The following TNS1 variants were observed in gnomAD, a reference collection of about 807,000 sequenced individuals.
TNS1 encodes tensin-1.
In TNS1, 62 loss-of-function variants were observed where a neutral mutation model predicts 168.6. The observed-to-expected ratio is 0.37, with a 90% CI of 0.30 to 0.45. The LOEUF (loss-of-function observed/expected upper bound fraction) is 0.45. TNS1 is among the 20% of genes least tolerant of loss of function. The pLI is 1.00. For missense variants in TNS1, 2,240 were observed against 2,339.4 expected (o/e 0.96, Z 0.88); for synonymous variants, 934 against 933.2 (o/e 1.00, Z -0.02).
At chr2:217,980,054 G>A (rs1199982955) in intron 2 of TNS1, among the ~76,000 whole-genome samples, 1 of 152,116 alleles carries the variant, frequency 6.6e-6, no homozygotes, top group Non-Finnish European at 1.5e-5. Context: ...GAAGGGGCTG[G>A]GCATGGGGAA....
intron 30 of TNS1, 117 bp from the exon 31 acceptor site, chr2:217,808,788 A>G (rs1939766062): frequency 1.1e-6 from 1 of 876,244 alleles, no homozygotes; most frequent in Non-Finnish European, 1.9e-6. Context: ...AGGTCCACAC[A>G]ACTTCTCTCT....
At chr2:217,988,647 G>T (rs1335124316) in intron 2 of TNS1, among the ~76,000 whole-genome samples, 1 of 152,166 alleles carries the variant, frequency 6.6e-6, no homozygotes, top group African/African-American at 2.4e-5. Context: ...CTTCTCCCCT[G>T]GCTCCAACCC....
chr2:218,030,105 G>A lies in TNS1; in HGVS notation c.156+3715C>T, dbSNP rs558593058. Among the ~76,000 whole-genome samples, 6 of 152,148 alleles carry A rather than the reference G, an allele frequency of 3.9e-5. No homozygotes were observed. In the East Asian group the frequency reaches 1.2e-3, roughly 29 times the overall value. On this transcript the variant is annotated intron_variant, in intron 1 of 1. Coordinates refer to the TNS1 transcript ENST00000649572. ...CACCGGGCACCTCCCTGCCTGCCCT[G>A]CCTCCCAGGCACCTTGCTTTGACTC...
chr2:217,975,777 A>G (rs573360238), intron 3 of TNS1, among the ~76,000 whole-genome samples: 5 of 152,232 alleles, frequency 3.3e-5, no homozygotes, highest in African/African-American at 1.2e-4. Context: ...CTCCCTCAGA[A>G]GGCATCCCAG....
intron 4 of TNS1, among the ~76,000 whole-genome samples, chr2:217,907,611 A>G (rs947922327): frequency 6.6e-6 from 1 of 152,222 alleles, no homozygotes; most frequent in Non-Finnish European, 1.5e-5. Flanking sequence ...AGTACCATTA[A>G]TACCTTTTAT....
intron 22 of TNS1, among the ~76,000 whole-genome samples, chr2:217,829,457 C>T (rs1359440028): frequency 6.6e-6 from 1 of 152,212 alleles, no homozygotes; most frequent in African/African-American, 2.4e-5. Flanking sequence ...TGAGAAATGC[C>T]TGTGGAGCAC....
intron 1 of TNS1, among the ~76,000 whole-genome samples, chr2:218,017,378 T>C (rs1228927631): frequency 6.6e-6 from 1 of 152,250 alleles, no homozygotes; most frequent in Non-Finnish European, 1.5e-5. Context: ...TTGGGCAGCC[T>C]AGCCCCATCC....
chr2:217,879,158 G>A (rs75555919), intron 18 of TNS1: 2,806 of 265,460 alleles, frequency 0.011, 81 homozygotes, highest in African/African-American at 0.061. Flanking sequence ...CCTAAGCCCC[G>A]TCTTTCCCAC....
At chr2:218,006,874 A>G (rs539511062), upstream of TNS1, among the ~76,000 whole-genome samples, 4 of 152,330 alleles carry the variant, frequency 2.6e-5, no homozygotes, top group East Asian at 7.7e-4. Context: ...CAGGAGGGTT[A>G]GTCTCAGGGC....
intron 3 of TNS1, among the ~76,000 whole-genome samples, chr2:217,930,466 C>T (rs569309643): frequency 4.6e-5 from 7 of 152,240 alleles, no homozygotes; most frequent in Admixed American, 2.0e-4. Context: ...CAGAGAAAGG[C>T]GGTCAGAGAG....
At chr2:217,828,012 C>T (rs955707604) in intron 22 of TNS1, among the ~76,000 whole-genome samples, 3 of 152,224 alleles carry the variant, frequency 2.0e-5, no homozygotes, top group African/African-American at 7.2e-5. Context: ...AGCTGAGAGC[C>T]TATTGCGTGG....
intron 3 of TNS1, among the ~76,000 whole-genome samples, chr2:217,956,916 G>A (rs552340489): frequency 6.6e-6 from 1 of 152,330 alleles, no homozygotes; most frequent in African/African-American, 2.4e-5. Context: ...AAAGGAAGGA[G>A]AGGAAGGAAG....
In TNS1 at chr2:217,986,122, G is replaced by C. The variant is rs377240079; in HGVS notation, c.148+4820C>G. Among the ~76,000 whole-genome samples the C allele has an allele frequency of 1.6e-4, 24 of 152,318 alleles. No individual in the cohort carries two copies. In the East Asian group the frequency reaches 4.1e-3, roughly 26 times the overall value. ...ATCTCACCTGGGGTCACACAGCCAG[G>C]TTGTATTAATAGCAAGCTAGGGCTA... On this transcript the variant is annotated intron_variant, in intron 2 of 32. Transcript: ENST00000682258. The surrounding 1 kb of genome is among the most constrained non-coding windows in gnomAD (Gnocchi z 4.7).
chr2:217,995,941 C>T lies in TNS1; in HGVS notation c.34-4885G>A, dbSNP rs1194059698. 6.6e-6 allele frequency among the ~76,000 whole-genome samples: 1 copy of T among 152,254 alleles called. No individual in the cohort carries two copies. The highest frequency in any genetic ancestry group is 2.4e-5 in the African/African-American group (1 of 41,460). On this transcript the variant is annotated intron_variant, in intron 1 of 32. Coordinates refer to ENST00000682258, the MANE Select transcript of TNS1 (RefSeq NM_001387777.1). The surrounding 1 kb of genome is among the most constrained non-coding windows in gnomAD (Gnocchi z 4.1). ...GCCCTCGGGGCTTCCTCTCCCTTCC[C>T]TCCTTCCATGCAGCCCAGCTTTCCT... is the stretch of plus-strand genomic sequence containing the variant.
At chr2:217,946,552 C>CA (rs984771854) in intron 3 of TNS1, among the ~76,000 whole-genome samples, 3 of 152,144 alleles carry the variant, frequency 2.0e-5, no homozygotes, top group Admixed American at 6.5e-5. Flanking sequence ...CATATGAAGA[C>CA]TTTTATTTTT....
chr2:217,891,440 TAA>T (rs1324678099), intron 11 of TNS1, among the ~76,000 whole-genome samples: 2 of 152,118 alleles, frequency 1.3e-5, no homozygotes, highest in African/African-American at 2.4e-5. Flanking sequence ...GGAATATCCA[TAA>T]AGAGCTTGGC....
In TNS1 at chr2:217,818,399, G is replaced by A. The variant is rs1278799666; in HGVS notation, c.3933C>T (p.Pro1311=). The change falls in exon 24 of 33, where the codon CCC becomes CCT. Residue 1311 remains proline, a synonymous_variant. Coordinates refer to ENST00000682258, the MANE Select transcript of TNS1 (RefSeq NM_001387777.1). ...GGTGATGGCTCAAACTGGGACTGCT[G>A]GGGGCAGCCATGCTGGGATTGATGG... The part of the protein sequence containing the change: ...WRAINPSMAA[P]SSPSLSHHQM... The A allele has an allele frequency of 6.2e-7, 1 of 1,614,002 alleles. No homozygotes were observed. Among genetic ancestry groups the A allele is most frequent in the African/African-American group, 1.3e-5 (1 of 74,938 alleles).
intron 23 of TNS1, among the ~76,000 whole-genome samples, chr2:217,819,184 T>C (rs12466972): frequency 0.47 from 71,083 of 152,094 alleles, 17,349 homozygotes; most frequent in African/African-American, 0.61. Context: ...AGTAGCCCTG[T>C]CTTGACTCAG....
chr2:217,850,945 A>C (rs1266773965), intron 18 of TNS1, among the ~76,000 whole-genome samples: 1 of 152,160 alleles, frequency 6.6e-6, no homozygotes, highest in Non-Finnish European at 1.5e-5. Context: ...CTCTCTAGCC[A>C]TCGCCTCCGA....
Sources: allele counts gnomAD v4.1 joint callset (sites outside exome capture counted in the v4.1 genomes callset), GRCh38; gene constraint gnomAD v4.1.1; non-coding constraint Gnocchi (gnomAD v3.1); transcripts MANE v1.5; gene names NCBI Gene and HGNC (gene_info 2026-07-23, HGNC 2026-07-21).